KIRREL3: variants seen among roughly 807,000 people sequenced by gnomAD.
KIRREL3 encodes the protein kin of IRRE-like protein 3.
A neutral mutation model predicts 89.7 loss-of-function variants in KIRREL3; 36 were observed. The observed-to-expected ratio is 0.40, with a 90% CI of 0.31 to 0.53. The LOEUF (loss-of-function observed/expected upper bound fraction) is 0.53, where lower values mean the gene tolerates loss of function less well. Ranked by LOEUF, KIRREL3 falls within the 20% of genes least tolerant of loss-of-function variation. The probability of loss-of-function intolerance (pLI) is 0.49; values close to 1 mark genes in which losing one functional copy is unlikely to be tolerated. For synonymous variants in KIRREL3, 445 were observed against 441.4 expected (o/e 1.01, Z -0.10); for missense variants, 864 against 1,056.6 (o/e 0.82, Z 2.53).
Position 126,614,415 on chromosome 11 carries a change from A to G in KIRREL3, c.56-51503T>C, listed in dbSNP as rs1943261557. Among the ~76,000 whole-genome samples the G allele has an allele frequency of 6.6e-6, 1 of 152,174 alleles. No homozygotes were observed. Among genetic ancestry groups the G allele is most frequent in the Admixed American group, 6.5e-5 (1 of 15,278 alleles). ...TCTCAAGTGCAAAAGGAAAGGTTGAACTAAGATGGATGGGTTTTAATCTTA... is the reference window on the plus strand; with the variant it reads ...TCTCAAGTGCAAAAGGAAAGGTTGAGCTAAGATGGATGGGTTTTAATCTTA... On this transcript the variant is annotated intron_variant, in intron 1 of 16. Coordinates refer to ENST00000525144, the MANE Select transcript of KIRREL3 (RefSeq NM_032531.4). This position sits in a 1 kb window ranked among gnomAD's most constrained non-coding sequence, Gnocchi z 4.6.
At chr11:126,952,114 G>A (rs557053086) in intron 1 of KIRREL3, among the ~76,000 whole-genome samples, 2 of 152,330 alleles carry the variant, frequency 1.3e-5, no homozygotes, top group East Asian at 3.9e-4. Context: ...GGCTGGGCAC[G>A]GTGGCTTACG....
Position 126,574,540 on chromosome 11 carries a change from G to T in KIRREL3, c.56-11628C>A, listed in dbSNP as rs1941151283. ...AGGCCAGCCCAGTGGGAGGCAGATT[G>T]CTACTATTAGCATGCCAAGGACTGC... On this transcript the variant is annotated intron_variant, in intron 1 of 16. Transcript: ENST00000525144. The surrounding 1 kb of genome is among the most constrained non-coding windows in gnomAD (Gnocchi z 5.3). Among the ~76,000 whole-genome samples the T allele has an allele frequency of 6.6e-6, 1 of 152,148 alleles. No homozygotes were observed. Among genetic ancestry groups the T allele is most frequent in the African/African-American group, 2.4e-5 (1 of 41,424 alleles).
At position 126,772,049 on chromosome 11, in the gene KIRREL3, C is replaced by T. The variant is rs1950035548; in HGVS notation, c.56-209137G>A. Among the ~76,000 whole-genome samples the T allele has an allele frequency of 6.6e-6, 1 of 152,212 alleles. No individual in the cohort carries two copies. The highest frequency in any genetic ancestry group is 1.5e-5 in the Non-Finnish European group (1 of 68,046). On this transcript the variant is annotated intron_variant, in intron 1 of 16. Coordinates refer to ENST00000525144, the MANE Select transcript of KIRREL3 (RefSeq NM_032531.4). The surrounding 1 kb of genome is among the most constrained non-coding windows in gnomAD (Gnocchi z 4.6). ...TGTCGGGAAACCATGACCTTTCCAC[C>T]TGTCAGAGCTCTAAAGCACTAAGAG... is the stretch of plus-strand genomic sequence containing the variant.
chr11:126,932,808 C>T (rs541956039), intron 1 of KIRREL3, among the ~76,000 whole-genome samples: 57 of 152,318 alleles, frequency 3.7e-4, no homozygotes, highest in African/African-American at 9.4e-4. Context: ...CTCCTGGCCA[C>T]GTTTCTCTTC....
intron 4 of KIRREL3, among the ~76,000 whole-genome samples, chr11:126,483,093 A>G (rs576203981): frequency 6.6e-6 from 1 of 152,382 alleles, no homozygotes; most frequent in Non-Finnish European, 1.5e-5. Context: ...AAACTAGGTC[A>G]TGAGATCCTC....
Position 126,646,204 on chromosome 11 carries a change from A to G in KIRREL3, c.56-83292T>C, listed in dbSNP as rs564652188. 3.9e-5 allele frequency among the ~76,000 whole-genome samples: 6 copies of G among 152,252 alleles called. No homozygotes were observed. In the South Asian group the frequency reaches 1.0e-3, roughly 26 times the overall value. ...CCTTGTACCTTCGAGTCAGCACTGA[A>G]TCGGTCTGGGTTTGTGCTCTAGCAT... On this transcript the variant is annotated intron_variant, in intron 1 of 16. Coordinates refer to ENST00000525144, the MANE Select transcript of KIRREL3 (RefSeq NM_032531.4).
At chr11:126,678,717 C>T (rs762979644) in intron 1 of KIRREL3, among the ~76,000 whole-genome samples, 7 of 151,258 alleles carry the variant, frequency 4.6e-5, no homozygotes, top group Non-Finnish European at 8.8e-5. Context: ...TAATTACACT[C>T]GAGGAGAAAA....
chr11:126,575,052 G>A lies in KIRREL3; in HGVS notation c.56-12140C>T, dbSNP rs571658845. On this transcript the variant is annotated intron_variant, in intron 1 of 16. Coordinates refer to ENST00000525144, the MANE Select transcript of KIRREL3 (RefSeq NM_032531.4). The surrounding 1 kb of genome is among the most constrained non-coding windows in gnomAD (Gnocchi z 7.0). Reference sequence around the variant, plus strand: ...CCACAGAGGGTGGTTATGGCAATGTGGAGGAGGCCGGTGGCCCAGGGCCTG... The same window carrying A: ...CCACAGAGGGTGGTTATGGCAATGTAGAGGAGGCCGGTGGCCCAGGGCCTG... Among the ~76,000 whole-genome samples, 1 of 152,292 alleles carries A rather than the reference G, an allele frequency of 6.6e-6. No homozygotes were observed. Among genetic ancestry groups the A allele is most frequent in the African/African-American group, 2.4e-5 (1 of 41,550 alleles).
intron 1 of KIRREL3, among the ~76,000 whole-genome samples, chr11:126,625,425 C>T (rs1168918917): frequency 1.3e-5 from 2 of 152,182 alleles, no homozygotes; most frequent in Non-Finnish European, 2.9e-5. Context: ...TATTCCCAAA[C>T]AAATCTCATT....
At chr11:126,590,834 C>G (rs1942097975) in intron 1 of KIRREL3, among the ~76,000 whole-genome samples, 1 of 152,196 alleles carries the variant, frequency 6.6e-6, no homozygotes, top group African/African-American at 2.4e-5. Context: ...GCCATCCCAG[C>G]CAGGTCTTCC....
rs549915319 is a variant in KIRREL3 at position 126,708,590 on chromosome 11, A to G, written c.56-145678T>C. 3.3e-5 allele frequency among the ~76,000 whole-genome samples: 5 copies of G among 152,246 alleles called. No homozygotes were observed. The South Asian group carries it at 6.2e-4, about 19-fold the overall frequency. ...TCCGACGTGGGCTCCGGGGTGGGGA[A>G]GGAAGGAGGGCGTTCGGCTCAACGT... On this transcript the variant is annotated intron_variant, in intron 1 of 16. Transcript: ENST00000525144. The surrounding 1 kb of genome is among the most constrained non-coding windows in gnomAD (Gnocchi z 5.7).
intron 1 of KIRREL3, among the ~76,000 whole-genome samples, chr11:126,816,502 A>G (rs1951577897): frequency 6.6e-6 from 1 of 152,178 alleles, no homozygotes; most frequent in Non-Finnish European, 1.5e-5. Context: ...ATTATGTTAC[A>G]ACTGCTTAGA....
rs1320520674 is a variant in KIRREL3, at chr11:126,521,350, G to C, written c.398C>G (p.Ala133Gly). 6.4e-7 allele frequency: 1 copy of C among 1,553,814 alleles called. No homozygotes were observed. Among genetic ancestry groups the C allele is most frequent in the African/African-American group, 1.4e-5 (1 of 73,180 alleles). The part of the protein sequence containing the change: ...AVYECQAIQA[A>G]IRSRPARLTV... Reference sequence around the variant, plus strand: ...GAGGCGTGCGGGGCGGGAGCGGATGGCGGCCTGGATGGCCTGGCACTCGTA... The same window carrying C: ...GAGGCGTGCGGGGCGGGAGCGGATGCCGGCCTGGATGGCCTGGCACTCGTA... The change falls in exon 4 of 17, where the codon GCC becomes GGC. Residue 133 changes from alanine to glycine, a missense_variant. Ala to Gly is a moderately conservative substitution (Grantham distance 60). Transcript: ENST00000525144. This position sits in a 1 kb window ranked among gnomAD's most constrained non-coding sequence, Gnocchi z 4.1.
chr11:126,767,324 T>A (rs1949855622), intron 1 of KIRREL3, among the ~76,000 whole-genome samples: 1 of 152,110 alleles, frequency 6.6e-6, no homozygotes, highest in Non-Finnish European at 1.5e-5. Flanking sequence ...GAGGCAGAAC[T>A]CATGTCAGTG....
At chr11:126,934,144 T>C (rs1292267982) in intron 1 of KIRREL3, among the ~76,000 whole-genome samples, 1 of 151,996 alleles carries the variant, frequency 6.6e-6, no homozygotes, top group African/African-American at 2.4e-5. Flanking sequence ...TGAAGCAGAA[T>C]TGAGAGCCCA....
At chr11:126,913,141 C>T (rs961756084) in intron 1 of KIRREL3, among the ~76,000 whole-genome samples, 2 of 152,222 alleles carry the variant, frequency 1.3e-5, no homozygotes, top group Admixed American at 6.5e-5. Context: ...CACACATCAT[C>T]CATCTTTCAG....
At position 126,970,116 on chromosome 11, in the gene KIRREL3, A is replaced by ATTGCCC. The variant is rs1267678503; in HGVS notation, c.55+30338_55+30339insGGGCAA. Among the ~76,000 whole-genome samples, 1 of 152,162 alleles carries ATTGCCC rather than the reference A, an allele frequency of 6.6e-6. No homozygotes were observed. ...AACAGGAAAATGCAGCCTCTCTACC[A>ATTGCCC]CTGCCCCTGCCCCCTCAGGGATATA... On this transcript the variant is annotated intron_variant, in intron 1 of 16. Transcript: ENST00000525144. The surrounding 1 kb of genome is among the most constrained non-coding windows in gnomAD (Gnocchi z 4.4).
At chr11:126,597,979 C>T (rs1281868999) in intron 1 of KIRREL3, among the ~76,000 whole-genome samples, 4 of 152,242 alleles carry the variant, frequency 2.6e-5, no homozygotes, top group Non-Finnish European at 5.9e-5. Flanking sequence ...CTGTGCCTGG[C>T]TTAGACCCCT....
rs1938401304 is a variant in KIRREL3, at chr11:126,541,944, T to A, written c.134-15257A>T. Among the ~76,000 whole-genome samples, 1 of 152,222 alleles carries A rather than the reference T, an allele frequency of 6.6e-6. No homozygotes were observed. Among genetic ancestry groups the A allele is most frequent in the Non-Finnish European group, 1.5e-5 (1 of 68,034 alleles). On this transcript the variant is annotated intron_variant, in intron 2 of 16. Coordinates refer to ENST00000525144, the MANE Select transcript of KIRREL3 (RefSeq NM_032531.4). The surrounding 1 kb of genome is among the most constrained non-coding windows in gnomAD (Gnocchi z 4.8). ...AGTGAAGTCTCACAGGGAATCCCAG[T>A]GTATAAAACGGTGGAGGCAGAGCTG... is the stretch of plus-strand genomic sequence containing the variant.
Sources: allele counts gnomAD v4.1 joint callset (sites outside exome capture counted in the v4.1 genomes callset), GRCh38; gene constraint gnomAD v4.1.1; non-coding constraint Gnocchi (gnomAD v3.1); transcripts MANE v1.5; gene names NCBI Gene and HGNC (gene_info 2026-07-23, HGNC 2026-07-21).